ZNF438: variants seen among roughly 807,000 people sequenced by gnomAD.
ZNF438 encodes the protein zinc finger protein 438.
In ZNF438, 25 loss-of-function variants were observed where a neutral mutation model predicts 38.0. That is an observed-to-expected ratio of 0.66 (90% confidence interval 0.48 to 0.92). The LOEUF (loss-of-function observed/expected upper bound fraction) is 0.92. ZNF438 is among the 40% of genes least tolerant of loss of function. The pLI is 0.00. For synonymous variants in ZNF438, 372 were observed against 364.1 expected (o/e 1.02, Z -0.25); for missense variants, 1,007 against 999.6 (o/e 1.01, Z -0.10).
intron 1 of ZNF438, among the ~76,000 whole-genome samples, chr10:30,978,746 C>T (rs983246539): frequency 1.3e-5 from 2 of 152,170 alleles, no homozygotes; most frequent in Non-Finnish European, 2.9e-5. Context: ...TGTTCTGTAT[C>T]TGGCTTATTT....
At chr10:30,980,229 A>G (rs1037418089) in intron 1 of ZNF438, among the ~76,000 whole-genome samples, 6 of 149,212 alleles carry the variant, frequency 4.0e-5, no homozygotes, top group African/African-American at 1.5e-4. Flanking sequence ...TTCTGAACAG[A>G]GGAATGACAG....
chr10:30,859,196 G>A (rs951342664), intron 4 of ZNF438, among the ~76,000 whole-genome samples: 3 of 151,992 alleles, frequency 2.0e-5, no homozygotes, highest in South Asian at 2.1e-4. Context: ...ATCCTCCCAC[G>A]TCAGCCTCCC....
At chr10:30,934,995 G>A (rs1374802462) in intron 2 of ZNF438, among the ~76,000 whole-genome samples, 1 of 152,210 alleles carries the variant, frequency 6.6e-6, no homozygotes, top group Non-Finnish European at 1.5e-5. Flanking sequence ...CATAAAATAT[G>A]TCCAAATCAT....
Position 30,949,045 on chromosome 10 carries a change from G to C in ZNF438, c.-191-7394C>G, listed in dbSNP as rs61843633. On this transcript the variant is annotated intron_variant, in intron 1 of 5. Transcript: ENST00000413025. ...AAGGGAAGCCCATCAGACTAACAGC[G>C]GATCTCTCGGCAGAAACCCTACAAG... is the stretch of plus-strand genomic sequence containing the variant. Among the ~76,000 whole-genome samples the C allele has an allele frequency of 8.9e-3, 1,347 of 152,174 alleles. 20 individuals carry two copies. Among genetic ancestry groups the C allele is most frequent in the Non-Finnish European group, 0.012 (783 of 67,942 alleles).
At chr10:30,884,175 G>A (rs1265101585) in intron 3 of ZNF438, among the ~76,000 whole-genome samples, 1 of 152,024 alleles carries the variant, frequency 6.6e-6, no homozygotes, top group African/African-American at 2.4e-5. Context: ...TAATATCTTG[G>A]TATTTCATGT....
chr10:30,854,629 T>C (rs948242282), intron 4 of ZNF438, among the ~76,000 whole-genome samples: 1 of 152,224 alleles, frequency 6.6e-6, no homozygotes, highest in Admixed American at 6.5e-5. Flanking sequence ...CATCTTAAAA[T>C]GTAATTTTAT....
intron 1 of ZNF438, among the ~76,000 whole-genome samples, chr10:30,990,027 T>C (rs1025318645): frequency 2.6e-5 from 4 of 152,186 alleles, no homozygotes; most frequent in Non-Finnish European, 4.4e-5. Flanking sequence ...GAGGCTTCCA[T>C]TGGCCAAAGA....
intron 4 of ZNF438, chr10:30,857,674 A>C (rs1164702825): frequency 7.9e-6 from 12 of 1,510,320 alleles, no homozygotes. Context: ...TGAATTTGCC[A>C]CTTACTATCC....
At chr10:30,875,658 T>C in intron 4 of ZNF438, 1 of 877,130 alleles carries the variant, frequency 1.1e-6, no homozygotes, top group African/African-American at 1.8e-5. Flanking sequence ...GGTTTGCCCA[T>C]CTCCTTTCTT....
At chr10:30,876,656 T>A (rs1026279566) in intron 4 of ZNF438, among the ~76,000 whole-genome samples, 1 of 152,210 alleles carries the variant, frequency 6.6e-6, no homozygotes, top group Non-Finnish European at 1.5e-5. Flanking sequence ...AAAATACTTG[T>A]GTTATTTTGC....
chr10:30,910,739 C>T (rs1730411885), intron 2 of ZNF438, among the ~76,000 whole-genome samples: 1 of 148,022 alleles, frequency 6.8e-6, no homozygotes, highest in East Asian at 2.0e-4. Context: ...ATCTTTTTAC[C>T]TATGGTAAAA....
intron 1 of ZNF438, among the ~76,000 whole-genome samples, chr10:31,013,978 A>C (rs1416088987): frequency 6.6e-6 from 1 of 152,096 alleles, no homozygotes; most frequent in Non-Finnish European, 1.5e-5. Flanking sequence ...GCAAACACAA[A>C]ACTGCTCTTC....
intron 3 of ZNF438, among the ~76,000 whole-genome samples, chr10:30,882,077 A>G (rs1318435579): frequency 6.6e-6 from 1 of 152,194 alleles, no homozygotes; most frequent in Non-Finnish European, 1.5e-5. Flanking sequence ...CTTCATCAAA[A>G]TTGCAAAATT....
chr10:30,926,324 A>C (rs765271332), intron 2 of ZNF438, among the ~76,000 whole-genome samples: 3 of 152,208 alleles, frequency 2.0e-5, no homozygotes, highest in Non-Finnish European at 4.4e-5. Flanking sequence ...AAGCAGAACA[A>C]GTGTCTACCA....
chr10:30,924,480 T>C (rs1160849772), intron 2 of ZNF438, among the ~76,000 whole-genome samples: 1 of 152,244 alleles, frequency 6.6e-6, no homozygotes, highest in Non-Finnish European at 1.5e-5. Context: ...AGTTCTTTGA[T>C]ACTTATTTTG....
chr10:30,940,437 A>G (rs2046695890), intron 2 of ZNF438, among the ~76,000 whole-genome samples: 2 of 152,368 alleles, frequency 1.3e-5, no homozygotes, highest in South Asian at 2.1e-4. Flanking sequence ...AGGCTTGCAC[A>G]GGGTTTCAAC....
intron 1 of ZNF438, among the ~76,000 whole-genome samples, chr10:30,988,626 T>C (rs538364844): frequency 8.5e-5 from 13 of 152,270 alleles, no homozygotes; most frequent in African/African-American, 2.9e-4. Context: ...TTTTTAATGT[T>C]AAAACAGTTT....
At chr10:30,924,378 GA>G (rs1344974069) in intron 2 of ZNF438, among the ~76,000 whole-genome samples, 4 of 152,216 alleles carry the variant, frequency 2.6e-5, no homozygotes, top group African/African-American at 9.6e-5. Flanking sequence ...CGATGTGTGA[GA>G]AAATAGGAAC....
intron 4 of ZNF438, among the ~76,000 whole-genome samples, chr10:30,863,750 C>G (rs1169229983): frequency 5.9e-5 from 9 of 152,176 alleles, no homozygotes; most frequent in African/African-American, 2.2e-4. Context: ...AGCCGGCCTC[C>G]TGGCTGAGCA....
Sources: gnomAD v4.1 joint callset for allele counts (sites outside exome capture counted in the v4.1 genomes callset) on GRCh38, gnomAD v4.1.1 for gene constraint, MANE v1.5 for transcripts, NCBI Gene and HGNC (gene_info 2026-07-23, HGNC 2026-07-21) for gene names.